GLMN: variants seen among roughly 807,000 people sequenced by gnomAD.
GLMN encodes glomulin.
GLMN carries 75 observed loss-of-function variants against 87.8 expected under a neutral mutation model. The observed-to-expected ratio is 0.85, with a 90% confidence interval of 0.71 to 1.04. The LOEUF is 1.04. Among genes scored for constraint, GLMN ranks in the 50% least tolerant of loss-of-function variants. GLMN has a pLI of 0.00. For synonymous variants in GLMN, 206 were observed against 221.6 expected (o/e 0.93, Z 0.63); for missense variants, 588 against 658.8 (o/e 0.89, Z 1.18).
chr1:92,317,217 T>G, the GLMN span, among the ~76,000 whole-genome samples: 1 of 152,086 alleles, frequency 6.6e-6, no homozygotes, highest in African/African-American at 2.4e-5. Context: ...TCTATAAAAA[T>G]AGAGTTGAAG....
chr1:92,288,972 T>C lies in GLMN; in HGVS notation c.574A>G (p.Ile192Val), dbSNP rs1453215883. The stretch of plus-strand genomic sequence containing the variant: ...TCCAGTGAGTTTTCTTTGTTATCAA[T>C]GACTTCTTCCACAAAAGGCTTAGTG... Reference protein sequence around the residue: ...EFTKPFVEEVIDNKENSLENE... With the variant: ...EFTKPFVEEVVDNKENSLENE... Residue 192 changes from isoleucine (I) to valine (V), a missense_variant, in exon 6 of 19, where the codon ATT (isoleucine) becomes GTT (valine). Coordinates refer to ENST00000370360, the MANE Select transcript of GLMN (RefSeq NM_053274.3). 2.5e-6 allele frequency: 4 copies of C among 1,612,466 alleles called. No homozygotes were observed. The highest frequency in any genetic ancestry group is 1.6e-4 in the Middle Eastern group (1 of 6,078).
At chr1:92,331,726 A>G in the GLMN span, among the ~76,000 whole-genome samples, 4 of 152,096 alleles carry the variant, frequency 2.6e-5, no homozygotes, top group Non-Finnish European at 5.9e-5. Flanking sequence ...TATTCAATTA[A>G]TTACTCTTTC....
At chr1:92,314,300 G>A in the GLMN span, among the ~76,000 whole-genome samples, 1 of 149,318 alleles carries the variant, frequency 6.7e-6, no homozygotes, top group Admixed American at 6.7e-5. Flanking sequence ...AGAGGCCATT[G>A]TAAGGGTTTT....
At chr1:92,367,781 G>A in the GLMN span, among the ~76,000 whole-genome samples, 1 of 152,122 alleles carries the variant, frequency 6.6e-6, no homozygotes, top group Non-Finnish European at 1.5e-5. Context: ...CATTCTCACA[G>A]CTCTTTATTC....
At chr1:92,336,534 C>A in the GLMN span, 1 of 725,152 alleles carries the variant, frequency 1.4e-6, no homozygotes, top group Non-Finnish European at 2.4e-6. Flanking sequence ...TTCAATGTCA[C>A]AGATCTAAAT....
At chr1:92,329,471 T>TA in the GLMN span, among the ~76,000 whole-genome samples, 1 of 152,168 alleles carries the variant, frequency 6.6e-6, no homozygotes, top group East Asian at 1.9e-4. Context: ...GCACCAAGTT[T>TA]ATTTCCAGGC....
intron 16 of GLMN, among the ~76,000 whole-genome samples, chr1:92,254,585 G>C (rs1165919379): frequency 6.6e-6 from 1 of 152,174 alleles, no homozygotes; most frequent in Non-Finnish European, 1.5e-5. Context: ...AGAAACCCTA[G>C]AAGCCAGAAG....
chr1:92,351,263 C>T, the GLMN span, among the ~76,000 whole-genome samples: 19 of 133,808 alleles, frequency 1.4e-4, no homozygotes, highest in Non-Finnish European at 3.1e-5. Context: ...GCCAAGATTG[C>T]GCCACTGCAC....
At chr1:92,285,876 A>G (rs1648691256) in intron 7 of GLMN, among the ~76,000 whole-genome samples, 1 of 152,240 alleles carries the variant, frequency 6.6e-6, no homozygotes, top group Admixed American at 6.5e-5. Context: ...ACATTTTAAA[A>G]TACTATTGAT....
chr1:92,356,105 T>C, the GLMN span, among the ~76,000 whole-genome samples: 24 of 152,240 alleles, frequency 1.6e-4, no homozygotes, highest in African/African-American at 5.8e-4. Context: ...GGGCCTTTTT[T>C]TCCTCATCCA....
the GLMN span, among the ~76,000 whole-genome samples, chr1:92,314,501 G>C: frequency 6.6e-6 from 1 of 152,152 alleles, no homozygotes; most frequent in Non-Finnish European, 1.5e-5. Context: ...CAGTAATCCA[G>C]CACTTTGGGA....
At chr1:92,334,734 C>A in the GLMN span, among the ~76,000 whole-genome samples, 2 of 152,022 alleles carry the variant, frequency 1.3e-5, no homozygotes, top group Non-Finnish European at 2.9e-5. Flanking sequence ...CACCTGTAAT[C>A]CCAGCACTTT....
At chr1:92,339,120 A>G in the GLMN span, among the ~76,000 whole-genome samples, 1 of 152,124 alleles carries the variant, frequency 6.6e-6, no homozygotes, top group East Asian at 1.9e-4. Flanking sequence ...TTTTAGAACA[A>G]TATTTTTCTA....
chr1:92,318,975 A>G, the GLMN span, among the ~76,000 whole-genome samples: 167 of 152,322 alleles, frequency 1.1e-3, no homozygotes, highest in African/African-American at 3.9e-3. Context: ...TAGGGGCTGT[A>G]TGATCAAAGG....
chr1:92,331,681 T>A, the GLMN span, among the ~76,000 whole-genome samples: 1 of 152,294 alleles, frequency 6.6e-6, no homozygotes, highest in East Asian at 1.9e-4. Flanking sequence ...TCAAATATAT[T>A]GCAAGATTAT....
chr1:92,363,613 G>A, the GLMN span: 1 of 194,860 alleles, frequency 5.1e-6, no homozygotes, highest in African/African-American at 2.4e-5. Flanking sequence ...TTATGGGTTT[G>A]AACTGTGCAA....
intron 16 of GLMN, among the ~76,000 whole-genome samples, chr1:92,257,409 T>C (rs1033175541): frequency 6.6e-6 from 1 of 152,172 alleles, no homozygotes; most frequent in East Asian, 1.9e-4. Context: ...TTAAATTTCA[T>C]ATAGAACCAA....
intron 16 of GLMN, among the ~76,000 whole-genome samples, chr1:92,261,273 T>C (rs1655010931): frequency 1.3e-5 from 2 of 152,252 alleles, no homozygotes; most frequent in Non-Finnish European, 2.9e-5. Flanking sequence ...TGCAAGTTAA[T>C]GAACTTTTTT....
chr1:92,261,694 A>G (rs1557521662), intron 16 of GLMN, among the ~76,000 whole-genome samples: 1 of 152,246 alleles, frequency 6.6e-6, no homozygotes, highest in Non-Finnish European at 1.5e-5. Flanking sequence ...TTCATTATGT[A>G]AATTTTACTT....
Sources: allele counts gnomAD v4.1 joint callset (sites outside exome capture counted in the v4.1 genomes callset), GRCh38; gene constraint gnomAD v4.1.1; transcripts MANE v1.5; gene names NCBI Gene and HGNC (gene_info 2026-07-23, HGNC 2026-07-21).